Variants in SEMA6D observed in about 807,000 individuals in gnomAD.
The protein encoded by SEMA6D is semaphorin 6D, also known as semaphorin-6D.
SEMA6D carries 35 observed loss-of-function variants against 106.6 expected under a neutral mutation model. The observed-to-expected ratio is 0.33, with a 90% CI of 0.25 to 0.44. SEMA6D has a LOEUF of 0.44. SEMA6D is among the 20% of genes least tolerant of loss of function. The pLI, the probability that SEMA6D is intolerant of heterozygous loss-of-function variation, is 1.00. For synonymous variants in SEMA6D, 499 were observed against 487.7 expected (o/e 1.02, Z -0.31); for missense variants, 1,185 against 1,345.9 (o/e 0.88, Z 1.87).
intron 2 of SEMA6D, among the ~76,000 whole-genome samples, chr15:47,419,586 G>A (rs1214678380): frequency 6.6e-6 from 1 of 152,050 alleles, no homozygotes; most frequent in Non-Finnish European, 1.5e-5. Context: ...TGAAGAACAT[G>A]GAGGACACCT....
At chr15:47,691,776 C>T (rs557360274) in intron 4 of SEMA6D, among the ~76,000 whole-genome samples, 8 of 151,876 alleles carry the variant, frequency 5.3e-5, no homozygotes, top group African/African-American at 1.9e-4. Flanking sequence ...TATTGAGTGC[C>T]CACCATATGC....
chr15:47,763,193 G>A (rs1220444592), intron 9 of SEMA6D, 89 bp downstream of exon 9: 7 of 991,092 alleles, frequency 7.1e-6, no homozygotes, highest in Non-Finnish European at 1.0e-5. Context: ...CACTTGGCAT[G>A]TTTTCCAGCT....
intron 1 of SEMA6D, chr15:47,396,592 G>T (rs1375981874): frequency 6.6e-6 from 1 of 152,222 alleles, no homozygotes; most frequent in Non-Finnish European, 1.5e-5. Context: ...GAGGCCAGAA[G>T]ACTTAGCCAG....
chr15:47,386,379 C>T (rs528511943), intron 1 of SEMA6D, among the ~76,000 whole-genome samples: 2 of 152,156 alleles, frequency 1.3e-5, no homozygotes, highest in South Asian at 2.1e-4. Context: ...AGGGTCTTCA[C>T]GAAGCAGACA....
chr15:47,368,484 T>A (rs554920048), intron 1 of SEMA6D, among the ~76,000 whole-genome samples: 87 of 150,130 alleles, frequency 5.8e-4, no homozygotes, highest in African/African-American at 1.9e-3. Context: ...TTATTTATTT[T>A]TTTTGAGACG....
chr15:47,608,172 T>C (rs1190281672), intron 4 of SEMA6D, among the ~76,000 whole-genome samples: 1 of 152,196 alleles, frequency 6.6e-6, no homozygotes, highest in African/African-American at 2.4e-5. Context: ...TGCCGTTTCC[T>C]TAAAGGAACA....
chr15:47,662,593 C>T (rs1448745699), intron 4 of SEMA6D, among the ~76,000 whole-genome samples: 1 of 152,130 alleles, frequency 6.6e-6, no homozygotes, highest in Admixed American at 6.5e-5. Flanking sequence ...CCAGCAATAA[C>T]CTGCCCCATT....
At chr15:47,322,279 ATTT>A (rs200999593) in intron 1 of SEMA6D, among the ~76,000 whole-genome samples, 3 of 138,970 alleles carry the variant, frequency 2.2e-5, no homozygotes, top group Admixed American at 1.4e-4. Context: ...TTCACTAGTT[ATTT>A]TTTTTTTTTT....
chr15:47,240,456 T>C (rs1272536232), intron 1 of SEMA6D, among the ~76,000 whole-genome samples: 1 of 152,198 alleles, frequency 6.6e-6, no homozygotes, highest in Admixed American at 6.5e-5. Context: ...TCTGGTTGCT[T>C]AGGAAATTTT....
intron 1 of SEMA6D, among the ~76,000 whole-genome samples, chr15:47,307,961 T>C (rs926408862): frequency 6.6e-6 from 1 of 152,090 alleles, no homozygotes; most frequent in Non-Finnish European, 1.5e-5. Flanking sequence ...AAGAATCTTA[T>C]GATGCACAGA....
At chr15:47,725,173 A>G (rs1413248043) in intron 1 of SEMA6D, among the ~76,000 whole-genome samples, 2 of 152,226 alleles carry the variant, frequency 1.3e-5, no homozygotes, top group Non-Finnish European at 2.9e-5. Flanking sequence ...CCATGCTCAT[A>G]TGAGTTGGAC....
At chr15:47,214,518 T>C (rs898882323) in intron 1 of SEMA6D, among the ~76,000 whole-genome samples, 13 of 152,356 alleles carry the variant, frequency 8.5e-5, no homozygotes, top group African/African-American at 2.9e-4. Context: ...TTCAGGTTTT[T>C]GTTTGTAGAT....
At chr15:47,314,684 T>G (rs890510226) in intron 1 of SEMA6D, among the ~76,000 whole-genome samples, 7 of 151,286 alleles carry the variant, frequency 4.6e-5, no homozygotes, top group African/African-American at 9.7e-5. Flanking sequence ...TTGCAAATAT[T>G]TTCTTCCAGC....
intron 1 of SEMA6D, among the ~76,000 whole-genome samples, chr15:47,231,577 T>G (rs558031990): frequency 2.0e-4 from 31 of 152,138 alleles, no homozygotes; most frequent in African/African-American, 7.5e-4. Flanking sequence ...ATTTGTTGCT[T>G]ATACTTTCCA....
intron 4 of SEMA6D, among the ~76,000 whole-genome samples, chr15:47,684,211 T>C (rs895398939): frequency 9.9e-5 from 15 of 152,112 alleles, no homozygotes; most frequent in Non-Finnish European, 1.9e-4. Flanking sequence ...TGCAGTTTTA[T>C]GGAATATGCC....
intron 3 of SEMA6D, among the ~76,000 whole-genome samples, chr15:47,591,199 A>G (rs1017672412): frequency 1.8e-4 from 27 of 152,278 alleles, no homozygotes; most frequent in African/African-American, 6.5e-4. Flanking sequence ...AGCAACTAAC[A>G]GACTCCCTCT....
chr15:47,594,304 G>A (rs188307294), intron 3 of SEMA6D, among the ~76,000 whole-genome samples: 8 of 152,162 alleles, frequency 5.3e-5, no homozygotes, highest in Admixed American at 5.2e-4. Flanking sequence ...TCCACCTCCT[G>A]TTCCTCTGTT....
At chr15:47,389,901 C>T (rs2039969316) in intron 1 of SEMA6D, among the ~76,000 whole-genome samples, 1 of 152,190 alleles carries the variant, frequency 6.6e-6, no homozygotes, top group African/African-American at 2.4e-5. Flanking sequence ...CAACTATTTT[C>T]TCCTAATGCC....
chr15:47,361,447 T>C (rs539275190), intron 1 of SEMA6D, among the ~76,000 whole-genome samples: 1 of 152,354 alleles, frequency 6.6e-6, no homozygotes, highest in Non-Finnish European at 1.5e-5. Context: ...CAATGATTTC[T>C]ACAAGTCCTA....
Sources: gnomAD v4.1 joint callset for allele counts (sites outside exome capture counted in the v4.1 genomes callset) on GRCh38, gnomAD v4.1.1 for gene constraint, MANE v1.5 for transcripts, NCBI Gene and HGNC (gene_info 2026-07-23, HGNC 2026-07-21) for gene names.